RBFOX1: variants seen among roughly 807,000 people sequenced by gnomAD.
The protein encoded by RBFOX1 is RNA binding protein fox-1 homolog 1.
A neutral mutation model predicts 57.7 loss-of-function variants in RBFOX1; 8 were observed. The ratio of observed to expected loss-of-function variants is 0.14; its 90% CI spans 0.08 to 0.25. The LOEUF is 0.25. RBFOX1 is among the 10% of genes least tolerant of loss of function. The pLI is 1.00. For missense variants in RBFOX1, 611 were observed against 548.5 expected (o/e 1.11, Z -1.14); for synonymous variants, 326 against 222.4 (o/e 1.47, Z -4.15).
intron 2 of RBFOX1, among the ~76,000 whole-genome samples, chr16:5,504,616 A>C (rs2043315099): frequency 6.6e-6 from 1 of 152,252 alleles, no homozygotes; most frequent in African/African-American, 2.4e-5. Flanking sequence ...GCTCCCAGCA[A>C]GTAAACCAGG....
intron 2 of RBFOX1, among the ~76,000 whole-genome samples, chr16:5,485,844 T>TTCC (rs975402864): frequency 2.6e-5 from 4 of 152,130 alleles, no homozygotes; most frequent in African/African-American, 9.7e-5. Flanking sequence ...TGTAATCAGG[T>TTCC]TCCTTCTCTG....
chr16:7,297,722 A>C lies in RBFOX1; in HGVS notation c.28-220425A>C, dbSNP rs145972827. Among the ~76,000 whole-genome samples, 286 of 152,308 alleles carry C rather than the reference A, an allele frequency of 1.9e-3. 2 individuals carry two copies. Among genetic ancestry groups the C allele is most frequent in the Non-Finnish European group, 3.5e-3 (237 of 68,034 alleles). On this transcript the variant is annotated intron_variant, in intron 4 of 15. Transcript: ENST00000550418. The stretch of plus-strand genomic sequence containing the variant: ...TAGTAGTTGTAGTAGCAATGATGAT[A>C]ATATAACTGTTTCATTTTATTGTAA...
intron 5 of RBFOX1, among the ~76,000 whole-genome samples, chr16:7,558,104 C>A (rs1170850377): frequency 6.6e-6 from 1 of 151,998 alleles, no homozygotes; most frequent in Non-Finnish European, 1.5e-5. Flanking sequence ...CCTGTAATTC[C>A]AGCACTTTGG....
At chr16:5,796,374 C>G (rs1488005354) in intron 3 of RBFOX1, among the ~76,000 whole-genome samples, 1 of 152,210 alleles carries the variant, frequency 6.6e-6, no homozygotes, top group African/African-American at 2.4e-5. Context: ...AATCCAGGAT[C>G]TGGACCAAAT....
chr16:5,335,053 G>T (rs2064860484), intron 1 of RBFOX1, among the ~76,000 whole-genome samples: 1 of 152,152 alleles, frequency 6.6e-6, no homozygotes, highest in Non-Finnish European at 1.5e-5. Flanking sequence ...TCCAAAAAAA[G>T]TTGTTTCAAT....
At chr16:5,994,304 G>A (rs981823003) in intron 4 of RBFOX1, among the ~76,000 whole-genome samples, 1 of 152,178 alleles carries the variant, frequency 6.6e-6, no homozygotes, top group Admixed American at 6.5e-5. Context: ...TGGGATTATA[G>A]GCATGTGCCA....
At chr16:7,503,710 C>A (rs753161438) in intron 4 of RBFOX1, among the ~76,000 whole-genome samples, 46 of 152,302 alleles carry the variant, frequency 3.0e-4, no homozygotes, top group South Asian at 1.9e-3. Context: ...GGTGGAGAAT[C>A]CCTATTGAAT....
At chr16:7,292,569 G>A (rs1167763480) in intron 4 of RBFOX1, among the ~76,000 whole-genome samples, 1 of 147,540 alleles carries the variant, frequency 6.8e-6, no homozygotes, top group South Asian at 2.1e-4. Flanking sequence ...TATAACAGAA[G>A]TGGGTTGTGC....
intron 2 of RBFOX1, among the ~76,000 whole-genome samples, chr16:6,327,300 T>C (rs1430036808): frequency 2.0e-5 from 3 of 152,138 alleles, no homozygotes; most frequent in Non-Finnish European, 4.4e-5. Context: ...GATGATGTTT[T>C]TCCGCTTTAT....
intron 2 of RBFOX1, among the ~76,000 whole-genome samples, chr16:6,537,844 T>C (rs1162631768): frequency 6.6e-6 from 1 of 152,060 alleles, no homozygotes; most frequent in Non-Finnish European, 1.5e-5. Flanking sequence ...ATTTTCTTTA[T>C]ATATAGAAAA....
chr16:5,641,033 C>T (rs1170703018), intron 3 of RBFOX1, among the ~76,000 whole-genome samples: 1 of 151,252 alleles, frequency 6.6e-6, no homozygotes, highest in Non-Finnish European at 1.5e-5. Flanking sequence ...TGCATAAACA[C>T]CCATGCACAC....
chr16:6,525,614 A>G (rs61007376), intron 2 of RBFOX1, among the ~76,000 whole-genome samples: 1,753 of 152,204 alleles, frequency 0.012, 39 homozygotes, highest in African/African-American at 0.04. Flanking sequence ...GAAATGTCAC[A>G]TGAAGGCACC....
At chr16:6,581,302 C>G (rs1457027525) in intron 2 of RBFOX1, among the ~76,000 whole-genome samples, 1 of 152,134 alleles carries the variant, frequency 6.6e-6, no homozygotes, top group Admixed American at 6.5e-5. Context: ...TTTGCTTTTT[C>G]GATGATCCCT....
chr16:5,678,163 A>T (rs2050222134), intron 3 of RBFOX1, among the ~76,000 whole-genome samples: 1 of 152,116 alleles, frequency 6.6e-6, no homozygotes, highest in Non-Finnish European at 1.5e-5. Context: ...GTGCAGCCTG[A>T]TGCTTCCTTC....
At chr16:6,912,394 C>A (rs930481946) in intron 3 of RBFOX1, among the ~76,000 whole-genome samples, 1 of 150,292 alleles carries the variant, frequency 6.7e-6, no homozygotes, top group African/African-American at 2.5e-5. Flanking sequence ...GTACATTTTG[C>A]GAACCACGGG....
At chr16:6,822,720 C>G (rs2091514650) in intron 3 of RBFOX1, among the ~76,000 whole-genome samples, 1 of 152,190 alleles carries the variant, frequency 6.6e-6, no homozygotes, top group South Asian at 2.1e-4. Context: ...TCTTCAGCAA[C>G]TCAGGCTTGA....
intron 1 of RBFOX1, among the ~76,000 whole-genome samples, chr16:6,286,734 G>C (rs913151242): frequency 6.6e-6 from 1 of 152,106 alleles, no homozygotes; most frequent in South Asian, 2.1e-4. Flanking sequence ...ATACTGCACA[G>C]GCTCACCTGG....
chr16:6,860,200 C>A (rs1731847494), intron 3 of RBFOX1, among the ~76,000 whole-genome samples: 1 of 152,176 alleles, frequency 6.6e-6, no homozygotes, highest in Non-Finnish European at 1.5e-5. Context: ...GAAATGAATT[C>A]ATTCAACAAT....
At chr16:7,209,136 A>C (rs1164468906) in intron 4 of RBFOX1, among the ~76,000 whole-genome samples, 1 of 126,134 alleles carries the variant, frequency 7.9e-6, no homozygotes, top group Non-Finnish European at 1.6e-5. Flanking sequence ...CTCTACCAAA[A>C]ATACAAAATA....
Sources: allele counts gnomAD v4.1 joint callset (sites outside exome capture counted in the v4.1 genomes callset), GRCh38; gene constraint gnomAD v4.1.1; transcripts MANE v1.5; gene names NCBI Gene and HGNC (gene_info 2026-07-23, HGNC 2026-07-21).